PCDH9: variants seen among roughly 807,000 people sequenced by gnomAD.
The protein encoded by PCDH9 is protocadherin-9.
In PCDH9, 24 loss-of-function variants were observed where a neutral mutation model predicts 70.6. The ratio of observed to expected loss-of-function variants is 0.34; its 90% CI spans 0.25 to 0.48. PCDH9 has a LOEUF of 0.48. Ranked by LOEUF, PCDH9 falls within the 20% of genes least tolerant of loss-of-function variation. PCDH9 has a pLI of 0.99. For synonymous variants in PCDH9, 562 were observed against 558.5 expected (o/e 1.01, Z -0.09); for missense variants, 1,281 against 1,503.6 (o/e 0.85, Z 2.45).
At chr13:67,000,931 G>T (rs558665682) in intron 2 of PCDH9, among the ~76,000 whole-genome samples, 1 of 152,138 alleles carries the variant, frequency 6.6e-6, no homozygotes, top group South Asian at 2.1e-4. Flanking sequence ...AATCTTTATT[G>T]GTAGTTTTTG....
chr13:66,573,832 T>C (rs2076773075), intron 4 of PCDH9, among the ~76,000 whole-genome samples: 1 of 152,150 alleles, frequency 6.6e-6, no homozygotes, highest in Admixed American at 6.5e-5. Context: ...CATGTGGACA[T>C]AGGAATCCCA....
At chr13:66,493,351 G>C (rs577469060) in intron 4 of PCDH9, among the ~76,000 whole-genome samples, 1 of 152,066 alleles carries the variant, frequency 6.6e-6, no homozygotes, top group Non-Finnish European at 1.5e-5. Flanking sequence ...ACTGCAGATT[G>C]TTCGCAAGGT....
intron 2 of PCDH9, chr13:67,216,993 C>T (rs9599201): frequency 6.6e-6 from 1 of 151,808 alleles, no homozygotes; most frequent in East Asian, 1.9e-4. Context: ...TCCATTTTGT[C>T]TCCATTTGTC....
chr13:67,228,421 T>A lies in PCDH9; in HGVS notation c.20A>T (p.Tyr7Phe). MDLRDF[Y>F]LLAALIACLR... ...ACAGGCAATCAGAGCAGCCAACAGGTAAAAATCCCTCAGGTCCATGATAAT... is the reference window on the plus strand; with the variant it reads ...ACAGGCAATCAGAGCAGCCAACAGGAAAAAATCCCTCAGGTCCATGATAAT... The change falls in exon 2 of 5, where the codon TAC becomes TTC. Residue 7 changes from tyrosine to phenylalanine, a missense_variant. Physicochemically the swap from Tyr to Phe is conservative, Grantham distance 22. Around this residue, in one of 4 missense-constraint regions of PCDH9, gnomAD observed 798 missense variants for 1,003.1 expected, o/e 0.80. Coordinates refer to ENST00000377865, the MANE Select transcript of PCDH9 (RefSeq NM_203487.3). The A allele has an allele frequency of 6.3e-7, 1 of 1,587,048 alleles. No individual in the cohort carries two copies. Among genetic ancestry groups the A allele is most frequent in the Admixed American group, 1.8e-5 (1 of 54,716 alleles).
chr13:67,141,164 C>T (rs1421956796), intron 2 of PCDH9, among the ~76,000 whole-genome samples: 5 of 151,912 alleles, frequency 3.3e-5, no homozygotes, highest in South Asian at 2.1e-4. Flanking sequence ...AAAAGCCTTA[C>T]GATAGACAAA....
At chr13:66,828,624 AC>A (rs2080866108) in intron 3 of PCDH9, among the ~76,000 whole-genome samples, 1 of 152,162 alleles carries the variant, frequency 6.6e-6, no homozygotes, top group Non-Finnish European at 1.5e-5. Flanking sequence ...ACAAAGCTAA[AC>A]TAATTTAAAT....
chr13:66,991,514 A>C (rs1319995704), intron 2 of PCDH9, among the ~76,000 whole-genome samples: 2 of 152,118 alleles, frequency 1.3e-5, no homozygotes, highest in African/African-American at 4.8e-5. Flanking sequence ...TATTTTTGAA[A>C]GCATAATTTT....
intron 3 of PCDH9, among the ~76,000 whole-genome samples, chr13:66,781,779 T>C (rs2080002527): frequency 6.6e-6 from 1 of 152,144 alleles, no homozygotes; most frequent in African/African-American, 2.4e-5. Context: ...ATAAAAGCAA[T>C]ACTTCAATCA....
chr13:66,713,757 C>G (rs2078831504), intron 3 of PCDH9, among the ~76,000 whole-genome samples: 1 of 151,250 alleles, frequency 6.6e-6, no homozygotes, highest in African/African-American at 2.4e-5. Flanking sequence ...TATAGTAAGA[C>G]CAACCCCTCT....
intron 2 of PCDH9, among the ~76,000 whole-genome samples, chr13:67,081,097 T>C (rs561466288): frequency 3.3e-5 from 5 of 152,194 alleles, no homozygotes; most frequent in African/African-American, 9.6e-5. Flanking sequence ...AAGATATCCA[T>C]ATGTATTGTT....
chr13:66,805,092 C>T (rs1407798437), intron 3 of PCDH9, among the ~76,000 whole-genome samples: 1 of 152,128 alleles, frequency 6.6e-6, no homozygotes, highest in East Asian at 1.9e-4. Context: ...AAATATGTTT[C>T]ATCCATTATT....
intron 4 of PCDH9, among the ~76,000 whole-genome samples, chr13:66,569,844 A>G (rs908493822): frequency 1.3e-5 from 2 of 152,172 alleles, no homozygotes; most frequent in African/African-American, 2.4e-5. Context: ...GCCTCTGGAA[A>G]CTAGTTTCAG....
intron 2 of PCDH9, among the ~76,000 whole-genome samples, chr13:66,972,935 T>C (rs1476049188): frequency 6.6e-6 from 1 of 152,054 alleles, no homozygotes; most frequent in Non-Finnish European, 1.5e-5. Context: ...ATGCATTATA[T>C]GGGCAAATAT....
intron 3 of PCDH9, among the ~76,000 whole-genome samples, chr13:66,875,853 T>A (rs1159964604): frequency 1.3e-5 from 2 of 152,194 alleles, no homozygotes; most frequent in African/African-American, 4.8e-5. Context: ...AACTGGAATA[T>A]ATACTTGCCT....
chr13:66,312,445 T>C (rs753270680), intron 4 of PCDH9, among the ~76,000 whole-genome samples: 7 of 152,058 alleles, frequency 4.6e-5, no homozygotes, highest in Non-Finnish European at 8.8e-5. Flanking sequence ...ACACCGGCTC[T>C]ACAAAAAATA....
intron 3 of PCDH9, among the ~76,000 whole-genome samples, chr13:66,809,895 A>G (rs1200977088): frequency 6.6e-6 from 1 of 152,200 alleles, no homozygotes; most frequent in Admixed American, 6.5e-5. Context: ...TATTCCATAT[A>G]TTGTCCTTGT....
intron 3 of PCDH9, among the ~76,000 whole-genome samples, chr13:66,821,867 T>C (rs545863881): frequency 6.6e-6 from 1 of 152,348 alleles, no homozygotes; most frequent in East Asian, 1.9e-4. Flanking sequence ...AGTTCTTTTA[T>C]CCTGCACATT....
At chr13:66,428,546 T>C (rs1232934076) in intron 4 of PCDH9, among the ~76,000 whole-genome samples, 2 of 151,728 alleles carry the variant, frequency 1.3e-5, no homozygotes, top group African/African-American at 4.8e-5. Context: ...TAAAAGACAG[T>C]CAAGGGCTAC....
intron 4 of PCDH9, among the ~76,000 whole-genome samples, chr13:66,579,361 T>A (rs941763467): frequency 2.6e-5 from 4 of 152,042 alleles, no homozygotes; most frequent in African/African-American, 9.7e-5. Flanking sequence ...ATGCTAAACT[T>A]CGAACTGGAA....
Sources: allele counts gnomAD v4.1 joint callset (sites outside exome capture counted in the v4.1 genomes callset), GRCh38; gene constraint gnomAD v4.1.1; regional missense constraint gnomAD v4.1.1; transcripts MANE v1.5; gene names NCBI Gene and HGNC (gene_info 2026-07-23, HGNC 2026-07-21).